Variants in CCDC81 observed in about 807,000 individuals in gnomAD.
CCDC81 encodes the protein coiled-coil domain containing 81, also known as coiled-coil domain-containing protein 81.
A neutral mutation model predicts 83.7 loss-of-function variants in CCDC81; 79 were observed. That is an observed-to-expected ratio of 0.94 (90% CI 0.79 to 1.14). The LOEUF is 1.14. Among genes scored for constraint, CCDC81 ranks in the 50% most tolerant of loss-of-function variants. The probability of loss-of-function intolerance (pLI) is 0.00; values close to 1 mark genes in which losing one functional copy is unlikely to be tolerated. For missense variants in CCDC81, 791 were observed against 778.1 expected, an observed-to-expected ratio of 1.02 and a Z score of -0.20; for synonymous variants, 252 against 278.1, an observed-to-expected ratio of 0.91 and a Z score of 0.93.
chr11:86,396,723 G>A (rs1475601334), intron 5 of CCDC81, among the ~76,000 whole-genome samples: 1 of 152,178 alleles, frequency 6.6e-6, no homozygotes, highest in East Asian at 1.9e-4. Context: ...CAAGCTTATA[G>A]AAATAAAACC....
chr11:86,392,991 T>A (rs944465999), intron 4 of CCDC81, among the ~76,000 whole-genome samples, 194 bp downstream of exon 4: 2 of 152,198 alleles, frequency 1.3e-5, no homozygotes, highest in African/African-American at 2.4e-5. Context: ...ACATTAAGAA[T>A]CAAAGTCAAT....
chr11:86,415,078 G>A lies in CCDC81; in HGVS notation c.1471-15G>A. On this transcript the variant is annotated splice_polypyrimidine_tract_variant and intron_variant, in intron 12 of 14. Coordinates refer to ENST00000445632, the MANE Select transcript of CCDC81 (RefSeq NM_001156474.2). ...GGTAGAATGATAACCTGCATTATGT[G>A]TATCTCTGTTTAAGATAAAGAACAA... The A allele has an allele frequency of 1.9e-6, 3 of 1,611,642 alleles. No homozygotes were observed. In the South Asian group the frequency reaches 3.3e-5, roughly 18 times the overall value.
At chr11:86,391,412 C>T (rs369688224) in intron 3 of CCDC81, among the ~76,000 whole-genome samples, 16 of 152,200 alleles carry the variant, frequency 1.1e-4, no homozygotes, top group Admixed American at 4.6e-4. Flanking sequence ...ATCAGTGGAC[C>T]TTGTTGTTGT....
chr11:86,385,055 T>G (rs918010660), intron 1 of CCDC81, among the ~76,000 whole-genome samples: 3 of 148,332 alleles, frequency 2.0e-5, no homozygotes, highest in Non-Finnish European at 4.5e-5. Context: ...TAATTCAAAG[T>G]AAAGCTCCTT....
chr11:86,392,504 T>A, intron 3 of CCDC81, 37 bp from the exon 4 acceptor site: 1 of 1,542,802 alleles, frequency 6.5e-7, no homozygotes, highest in Non-Finnish European at 8.8e-7. Flanking sequence ...TAATCACCAC[T>A]TTCTTTCTCC....
At chr11:86,407,841 G>A (rs1948583236) in intron 8 of CCDC81, 140 bp downstream of exon 8, 3 of 687,612 alleles carry the variant, frequency 4.4e-6, no homozygotes, top group Non-Finnish European at 7.4e-6. Context: ...AAACTAGACT[G>A]TGATAAATCT....
At position 86,391,757 on chromosome 11, in the gene CCDC81, C is replaced by G. The variant is rs556324272; in HGVS notation, c.299-784C>G. On this transcript the variant is annotated intron_variant, in intron 3 of 14. Coordinates refer to ENST00000445632, the MANE Select transcript of CCDC81 (RefSeq NM_001156474.2). ...AACTGGAGGAGATAGGCAAATGTAT[C>G]AGTTCATTCTTGCATTGCTATAAAG... 4.6e-5 allele frequency among the ~76,000 whole-genome samples: 7 copies of G among 152,254 alleles called. 1 individual carries two copies. Among genetic ancestry groups the G allele is most frequent in the Admixed American group, 3.9e-4 (6 of 15,288 alleles).
chr11:86,390,148 T>C lies in CCDC81; in HGVS notation c.299-2393T>C, dbSNP rs149242848. On this transcript the variant is annotated intron_variant, in intron 3 of 14. Transcript: ENST00000445632. ...TATGATGAAACATGATTAAGTGCTATGAAAGCCAAATTGATCAGAACTGGA... is the reference window on the plus strand; with the variant it reads ...TATGATGAAACATGATTAAGTGCTACGAAAGCCAAATTGATCAGAACTGGA... 1.0e-2 allele frequency among the ~76,000 whole-genome samples: 1,519 copies of C among 152,246 alleles called. 10 individuals carry two copies. The highest frequency in any genetic ancestry group is 0.017 in the Middle Eastern group (5 of 294).
At chr11:86,402,944 T>TA (rs1565765740) in intron 7 of CCDC81, among the ~76,000 whole-genome samples, 1 of 152,008 alleles carries the variant, frequency 6.6e-6, no homozygotes, top group East Asian at 1.9e-4. Flanking sequence ...GCTCAAGTGA[T>TA]TTTCCTGCCT....
intron 1 of CCDC81, among the ~76,000 whole-genome samples, chr11:86,377,456 C>A (rs1364271968): frequency 6.6e-6 from 1 of 152,060 alleles, no homozygotes; most frequent in African/African-American, 2.4e-5. Context: ...ATGTTATTGT[C>A]AGCATTTGTT....
At chr11:86,401,239 A>G (rs1420505202) in intron 7 of CCDC81, among the ~76,000 whole-genome samples, 1 of 152,188 alleles carries the variant, frequency 6.6e-6, no homozygotes, top group Non-Finnish European at 1.5e-5. Flanking sequence ...TGAATGAATG[A>G]GTGTATTACA....
At position 86,386,062 on chromosome 11, in the gene CCDC81, A is replaced by G; in HGVS notation, c.91A>G (p.Ile31Val). 6.6e-7 allele frequency: 1 copy of G among 1,525,708 alleles called. No individual in the cohort carries two copies. The highest frequency in any genetic ancestry group is 8.9e-7 in the Non-Finnish European group (1 of 1,122,552). 94.5% of individuals were successfully genotyped at this position (1,525,708 alleles called of 1,614,324 possible). A position where few individuals can be genotyped will look rare whatever the true frequency, so the allele number is the denominator to read the frequency against. The change falls in exon 2 of 15, where the codon ATC becomes GTC. Residue 31 changes from isoleucine (I) to valine (V), a missense_variant. Transcript: ENST00000445632. The stretch of plus-strand genomic sequence containing the variant: ...CTTTTGAATTTCAGAAGTCTCTATT[A>G]TCTGGGGGAATGTATCAGAATTTGT... ...PSLSQEEVSI[I>V]WGNVSEFVRR... is the part of the protein sequence containing the mutation.
chr11:86,416,329 A>T (rs1461999882), intron 13 of CCDC81, among the ~76,000 whole-genome samples: 2 of 152,224 alleles, frequency 1.3e-5, no homozygotes, highest in Admixed American at 6.5e-5. Context: ...CTTCTGTTTT[A>T]TAACAGCAGA....
intron 1 of CCDC81, among the ~76,000 whole-genome samples, chr11:86,384,113 T>G (rs1471069671): frequency 6.6e-6 from 1 of 152,228 alleles, no homozygotes; most frequent in Admixed American, 6.5e-5. Context: ...TACGAGCTTT[T>G]AGAGGTGAAA....
intron 7 of CCDC81, among the ~76,000 whole-genome samples, chr11:86,405,568 T>C (rs1321601662): frequency 6.6e-6 from 1 of 152,200 alleles, no homozygotes; most frequent in Admixed American, 6.5e-5. Flanking sequence ...ATTTCTTTAG[T>C]ATGCTTTGAA....
intron 6 of CCDC81, among the ~76,000 whole-genome samples, chr11:86,398,419 T>G (rs1040267402): frequency 1.3e-5 from 2 of 152,210 alleles, no homozygotes; most frequent in African/African-American, 4.8e-5. Context: ...GTTTTATCAC[T>G]TTGATGTCTG....
intron 14 of CCDC81, among the ~76,000 whole-genome samples, chr11:86,420,457 A>G (rs1948774704): frequency 6.6e-6 from 1 of 152,154 alleles, no homozygotes; most frequent in South Asian, 2.1e-4. Context: ...GAAAAGTAAG[A>G]TGCCTATTAT....
At chr11:86,377,037 T>C (rs1307361708) in intron 1 of CCDC81, among the ~76,000 whole-genome samples, 1 of 152,246 alleles carries the variant, frequency 6.6e-6, no homozygotes, top group Non-Finnish European at 1.5e-5. Flanking sequence ...GTTGGAATCA[T>C]ATAGTTTAAG....
chr11:86,390,781 T>C (rs891319273), intron 3 of CCDC81, among the ~76,000 whole-genome samples: 1 of 152,084 alleles, frequency 6.6e-6, no homozygotes, highest in African/African-American at 2.4e-5. Context: ...ATTACCTTTA[T>C]AGAGAATGAA....
Sources: allele counts gnomAD v4.1 joint callset (sites outside exome capture counted in the v4.1 genomes callset), GRCh38; gene constraint gnomAD v4.1.1; transcripts MANE v1.5; gene names NCBI Gene and HGNC (gene_info 2026-07-23, HGNC 2026-07-21).